FADS2: variants seen among roughly 807,000 people sequenced by gnomAD.
FADS2 encodes acyl-CoA 6-desaturase.
A neutral mutation model predicts 61.2 loss-of-function variants in FADS2; 18 were observed. The observed-to-expected ratio is 0.29, with a 90% CI of 0.20 to 0.44. FADS2 has a LOEUF of 0.44. FADS2 is among the 20% of genes least tolerant of loss of function. The pLI, the probability that FADS2 is intolerant of heterozygous loss-of-function variation, is 1.00. For synonymous variants in FADS2, 203 were observed against 223.9 expected (o/e 0.91, Z 0.83); for missense variants, 322 against 572.7 (o/e 0.56, Z 4.47).
At position 61,816,992 on chromosome 11, in the gene FADS2, A is replaced by G. The variant is rs1247172656; in HGVS notation, c.141+566A>G. 16 of 1,336,170 alleles carry G rather than the reference A, an allele frequency of 1.2e-5. No individual in the cohort carries two copies. Among genetic ancestry groups the G allele is most frequent in the Non-Finnish European group, 1.4e-5 (15 of 1,048,348 alleles). The allele number at this position is 1,336,170 out of a possible 1,614,324, so 82.8% of individuals were successfully genotyped here. A position where few individuals can be genotyped will look rare whatever the true frequency, so the allele number is the denominator to read the frequency against. ...CCCCGGTGGGTCTTGGGCAACTCAC[A>G]GCTGGGCTGCCAACACGCGCCCCCT... On this transcript the variant is annotated intron_variant, in intron 1 of 11. Coordinates refer to the FADS2 transcript ENST00000257261. The surrounding 1 kb of genome is among the most constrained non-coding windows in gnomAD (Gnocchi z 7.0).
chr11:61,826,308 G>A (rs1199004734), upstream of FADS2: 1 of 702,370 alleles, frequency 1.4e-6, no homozygotes, highest in African/African-American at 1.7e-5. Flanking sequence ...GTACTGTGCT[G>A]GGAGCCGCTG....
chr11:61,828,258 G>A (rs1278101403), upstream of FADS2: 2 of 1,447,348 alleles, frequency 1.4e-6, no homozygotes, highest in Non-Finnish European at 9.1e-7. The surrounding 1 kb of genome is among the most constrained non-coding windows in gnomAD (Gnocchi z 6.4). Flanking sequence ...GCGGTGGGAG[G>A]AGTAGGAGAA....
chr11:61,826,389 T>A (rs1412828751), upstream of FADS2: 1 of 702,600 alleles, frequency 1.4e-6, no homozygotes, highest in Admixed American at 2.0e-5. Context: ...TGCTCCCTTT[T>A]AGGGCCTGAA....
At chr11:61,848,570 A>T in intron 5 of FADS2, 1 of 431,866 alleles carries the variant, frequency 2.3e-6, no homozygotes, top group Admixed American at 3.6e-5. Flanking sequence ...GCTGGAATGT[A>T]TGTGGAATGG....
Position 61,816,281 on chromosome 11 carries a change from A to C in FADS2, c.-5A>C, listed in dbSNP as rs531859543. ...AGAGACCTGAGGCTCGGGGCTGCAGATGGAATGCACGGCAGGGAGGCGGGA... is the reference window on the plus strand; with the variant it reads ...AGAGACCTGAGGCTCGGGGCTGCAGCTGGAATGCACGGCAGGGAGGCGGGA... On this transcript the variant is annotated 5_prime_UTR_variant, in exon 1 of 12. Coordinates refer to the FADS2 transcript ENST00000257261. This position sits in a 1 kb window ranked among gnomAD's most constrained non-coding sequence, Gnocchi z 7.0. 1.5e-5 allele frequency: 24 copies of C among 1,598,212 alleles called. No individual in the cohort carries two copies. In the East Asian group the frequency reaches 5.1e-4, roughly 34 times the overall value.
intron 5 of FADS2, among the ~76,000 whole-genome samples, chr11:61,848,492 C>T (rs556445068): frequency 6.6e-6 from 1 of 152,298 alleles, no homozygotes; most frequent in East Asian, 1.9e-4. Context: ...AGAGAGCTGA[C>T]ATTCAGCCAG....
In FADS2 at chr11:61,863,089, T is replaced by C. The variant is rs746826429; in HGVS notation, c.980+20T>C. On this transcript the variant is annotated intron_variant, in intron 8 of 11. Transcript: ENST00000278840. The stretch of plus-strand genomic sequence containing the variant: ...CATCAGGTGCCTGGGCTTTGCTGAT[T>C]CATCCCTGGGCCCTCCACTGGCACT... The C allele has an allele frequency of 6.2e-7, 1 of 1,601,142 alleles. No homozygotes were observed. The highest frequency in any genetic ancestry group is 8.6e-7 in the Non-Finnish European group (1 of 1,168,136).
chr11:61,863,370 A>T lies in FADS2; in HGVS notation c.1069A>T (p.Ser357Cys). 1 of 1,612,254 alleles carries T rather than the reference A, an allele frequency of 6.2e-7. No individual in the cohort carries two copies. The highest frequency in any genetic ancestry group is 1.1e-5 in the South Asian group (1 of 91,048). ...IDQEAYRDWF[S>C]SQLTATCNVE... ...CCAGGAGGCCTACCGTGACTGGTTC[A>T]GTAGCCAGGTAGGGAAGTCAGGGCC... The change falls in exon 9 of 12, where the codon AGT becomes TGT. Residue 357 changes from serine (S) to cysteine (C), a missense_variant. Physicochemically the swap from Ser to Cys is moderately radical, Grantham distance 112. Around this residue, in one of 3 missense-constraint regions of FADS2, gnomAD observed 221 missense variants for 427.9 expected, o/e 0.52. Coordinates refer to ENST00000278840, the MANE Select transcript of FADS2 (RefSeq NM_004265.4).
chr11:61,862,550 C>T (rs144125878), intron 7 of FADS2: 99 of 220,928 alleles, frequency 4.5e-4, no homozygotes, highest in African/African-American at 2.2e-3. Flanking sequence ...AGCCCTCTGT[C>T]CTGCTGGAAG....
chr11:61,828,747 C>G lies in FADS2; in HGVS notation c.207+150C>G, dbSNP rs928468362. On this transcript the variant is annotated intron_variant, in intron 1 of 11. Transcript: ENST00000278840. This position sits in a 1 kb window ranked among gnomAD's most constrained non-coding sequence, Gnocchi z 6.4. ...AAGTGCATCTATTGCACTCGTACCCCCTCCCCAATCCTCCTCCTCCTCTGG... is the reference window on the plus strand; with the variant it reads ...AAGTGCATCTATTGCACTCGTACCCGCTCCCCAATCCTCCTCCTCCTCTGG... The G allele has an allele frequency of 4.6e-6, 3 of 653,120 alleles. No individual in the cohort carries two copies. The highest frequency in any genetic ancestry group is 3.7e-5 in the African/African-American group (2 of 54,516). 40.5% of individuals were successfully genotyped at this position (653,120 alleles called of 1,614,324 possible). A position where few individuals can be genotyped will look rare whatever the true frequency, so the allele number is the denominator to read the frequency against.
chr11:61,842,817 T>G (rs1368272315), intron 4 of FADS2, among the ~76,000 whole-genome samples: 1 of 152,188 alleles, frequency 6.6e-6, no homozygotes, highest in African/African-American at 2.4e-5. Context: ...GGACAAATCT[T>G]GTAGGTCTGT....
At chr11:61,857,184 G>T (rs1028648243) in intron 6 of FADS2, 113 bp downstream of exon 6, 13 of 969,174 alleles carry the variant, frequency 1.3e-5, no homozygotes, top group Non-Finnish European at 2.0e-5. Flanking sequence ...CACTAAACTT[G>T]TTAGAAGCGG....
chr11:61,840,710 C>T lies in FADS2; in HGVS notation c.603C>T (p.Val201=), dbSNP rs765695770. ...GGAACCACCTTGTCCACAAATTCGT[C>T]ATTGGCCACTTAAAGGTAAGTGTCA... The part of the protein sequence containing the change: ...PKWNHLVHKF[V]IGHLKGASAN... The change falls in exon 4 of 12, where the codon GTC becomes GTT. Residue 201 remains valine, a synonymous_variant. Coordinates refer to ENST00000278840, the MANE Select transcript of FADS2 (RefSeq NM_004265.4). The T allele has an allele frequency of 1.1e-5, 17 of 1,613,694 alleles. No homozygotes were observed. In the South Asian group the frequency reaches 1.5e-4, roughly 15 times the overall value.
In FADS2 at chr11:61,828,430, C is replaced by G; in HGVS notation, c.40C>G (p.Arg14Gly). The part of the protein sequence containing the change: ...GGNQGEGAAE[R>G]EVSVPTFSWE... Reference sequence around the variant, plus strand: ...GAACCAGGGCGAGGGGGCCGCCGAGCGCGAGGTGTCGGTGCCCACCTTCAG... The same window carrying G: ...GAACCAGGGCGAGGGGGCCGCCGAGGGCGAGGTGTCGGTGCCCACCTTCAG... Residue 14 changes from arginine to glycine, a missense_variant, in exon 1 of 12, where the codon CGC becomes GGC. Physicochemically the swap from Arg to Gly is moderately radical, Grantham distance 125. This residue lies in a region of FADS2 where 61 missense variants were observed against 107.4 expected (regional missense o/e 0.57). Transcript: ENST00000278840. This position sits in a 1 kb window ranked among gnomAD's most constrained non-coding sequence, Gnocchi z 6.4. 1 of 1,586,534 alleles carries G rather than the reference C, an allele frequency of 6.3e-7. No homozygotes were observed. Among genetic ancestry groups the G allele is most frequent in the Non-Finnish European group, 8.6e-7 (1 of 1,168,056 alleles).
intron 4 of FADS2, chr11:61,847,538 G>A (rs1283444896): frequency 6.5e-6 from 1 of 153,046 alleles, no homozygotes; most frequent in African/African-American, 2.4e-5. Flanking sequence ...CATCCGTGTT[G>A]TAGCAAGGGT....
intron 1 of FADS2, chr11:61,821,476 C>A: frequency 2.9e-6 from 2 of 696,188 alleles, no homozygotes; most frequent in East Asian, 2.7e-5. Flanking sequence ...ATTGTGAGTT[C>A]AAATTTTGAT....
intron 1 of FADS2, among the ~76,000 whole-genome samples, chr11:61,822,393 G>A (rs911074374): frequency 5.9e-5 from 9 of 152,208 alleles, no homozygotes; most frequent in Non-Finnish European, 1.3e-4. Context: ...TATATTTGGG[G>A]CTAGAATTTA....
At chr11:61,822,104 G>C (rs1289094031) in intron 1 of FADS2, among the ~76,000 whole-genome samples, 2 of 152,140 alleles carry the variant, frequency 1.3e-5, no homozygotes, top group Non-Finnish European at 2.9e-5. Context: ...TGAGTAGCTG[G>C]GACTACAGGC....
At chr11:61,826,377 C>T (rs757799675), upstream of FADS2, 12 of 702,522 alleles carry the variant, frequency 1.7e-5, no homozygotes, top group East Asian at 2.7e-5. Flanking sequence ...GCCACCCATA[C>T]GTGCTCCCTT....
Sources: allele counts gnomAD v4.1 joint callset (sites outside exome capture counted in the v4.1 genomes callset), GRCh38; gene constraint gnomAD v4.1.1; regional missense constraint gnomAD v4.1.1; non-coding constraint Gnocchi (gnomAD v3.1); transcripts MANE v1.5; gene names NCBI Gene and HGNC (gene_info 2026-07-23, HGNC 2026-07-21).